UGGT2: variants seen among roughly 807,000 people sequenced by gnomAD.
UGGT2 encodes UDP-glucose:glycoprotein glucosyltransferase 2.
In UGGT2, 180 loss-of-function variants were observed where a neutral mutation model predicts 192.1. The observed-to-expected ratio is 0.94, with a 90% CI of 0.83 to 1.06. The LOEUF (loss-of-function observed/expected upper bound fraction) is 1.06, where lower values mean the gene tolerates loss of function less well. UGGT2 is among the 50% of genes least tolerant of loss of function. The pLI, the probability that UGGT2 is intolerant of heterozygous loss-of-function variation, is 0.00. For synonymous variants in UGGT2, 580 were observed against 591.0 expected (o/e 0.98, Z 0.27); for missense variants, 1,849 against 1,795.7 (o/e 1.03, Z -0.54).
intron 38 of UGGT2, among the ~76,000 whole-genome samples, chr13:95,812,288 C>A (rs1884623159): frequency 6.6e-6 from 1 of 152,052 alleles, no homozygotes; most frequent in South Asian, 2.1e-4. Flanking sequence ...AATGTAAAAA[C>A]AATTCTTAGG....
chr13:96,026,659 C>CTTTTTTTTTTTTTTTT (rs71211702), intron 2 of UGGT2, among the ~76,000 whole-genome samples: 1 of 101,536 alleles, frequency 9.8e-6, no homozygotes, highest in African/African-American at 3.6e-5. Context: ...TTTCACTCTT[C>CTTTTTTTTTTTTTTTT]TTTTTTTTTT....
At chr13:95,960,308 A>G (rs1200186602) in intron 12 of UGGT2, among the ~76,000 whole-genome samples, 1 of 152,230 alleles carries the variant, frequency 6.6e-6, no homozygotes, top group Non-Finnish European at 1.5e-5. Context: ...TCAGTGAGCT[A>G]TAAGAGAATA....
At chr13:95,878,767 T>G (rs1046060133) in intron 27 of UGGT2, among the ~76,000 whole-genome samples, 1 of 152,220 alleles carries the variant, frequency 6.6e-6, no homozygotes, top group Non-Finnish European at 1.5e-5. Context: ...TTTGGATACA[T>G]TCTGTATTGT....
At position 95,999,199 on chromosome 13, in the gene UGGT2, T is replaced by TA. The variant is rs1229588656; in HGVS notation, c.757+11dup. On this transcript the variant is annotated intron_variant, in intron 6 of 38. Coordinates refer to ENST00000376747, the MANE Select transcript of UGGT2 (RefSeq NM_020121.4). ...TTTTCATTCTACTCAAGTACTGAGA[T>TA]AGAGAACTTACTTTTAACTTGGGTA... 1.9e-6 allele frequency: 3 copies of TA among 1,609,086 alleles called. No homozygotes were observed. Among genetic ancestry groups the TA allele is most frequent in the Non-Finnish European group, 2.6e-6 (3 of 1,175,868 alleles).
At chr13:95,853,147 G>C (rs1236492412) in intron 36 of UGGT2, among the ~76,000 whole-genome samples, 2 of 152,138 alleles carry the variant, frequency 1.3e-5, no homozygotes, top group East Asian at 3.9e-4. Context: ...GGACGTGTTT[G>C]CTTCCCCTTC....
At position 96,001,651 on chromosome 13, in the gene UGGT2, C is replaced by T. The variant is rs145459550; in HGVS notation, c.661-2344G>A. 5.9e-5 allele frequency among the ~76,000 whole-genome samples: 9 copies of T among 152,274 alleles called. No homozygotes were observed. In the East Asian group the frequency reaches 1.7e-3, roughly 29 times the overall value. On this transcript the variant is annotated intron_variant, in intron 5 of 38. Coordinates refer to ENST00000376747, the MANE Select transcript of UGGT2 (RefSeq NM_020121.4). Reference sequence around the variant, plus strand: ...GGAGAACATTTAAAAAAGACAAACACAGACAATTAACAACAACAAGGTTCA... The same window carrying T: ...GGAGAACATTTAAAAAAGACAAACATAGACAATTAACAACAACAAGGTTCA...
chr13:96,032,246 T>TA (rs2052860352), intron 1 of UGGT2, among the ~76,000 whole-genome samples: 1 of 151,976 alleles, frequency 6.6e-6, no homozygotes. Context: ...TAGCAACAAC[T>TA]AAAAAATTGA....
chr13:95,938,776 C>T (rs936293788), intron 16 of UGGT2, among the ~76,000 whole-genome samples: 8 of 152,108 alleles, frequency 5.3e-5, no homozygotes, highest in Non-Finnish European at 7.4e-5. Context: ...TCTCATCTCC[C>T]CTCTACCTTA....
At chr13:95,991,712 A>G (rs2051463410) in intron 7 of UGGT2, among the ~76,000 whole-genome samples, 6 of 152,186 alleles carry the variant, frequency 3.9e-5, no homozygotes, top group Admixed American at 3.3e-4. Context: ...TTATCAGATT[A>G]TAAGTTTATA....
intron 12 of UGGT2, among the ~76,000 whole-genome samples, chr13:95,958,702 TTCG>T: frequency 1.3e-5 from 2 of 151,940 alleles, no homozygotes; most frequent in African/African-American, 4.8e-5. Flanking sequence ...ATAATCACAC[TTCG>T]AATAGGTCGT....
intron 38 of UGGT2, chr13:95,832,653 AT>A: frequency 2.0e-6 from 1 of 496,072 alleles, no homozygotes; most frequent in Non-Finnish European, 3.9e-6. Context: ...TTTTACTTTT[AT>A]TTTTCACCTC....
chr13:95,923,289 C>T (rs73558684), intron 20 of UGGT2, among the ~76,000 whole-genome samples: 2,507 of 152,008 alleles, frequency 0.016, 69 homozygotes, highest in African/African-American at 0.058. Flanking sequence ...GAACTCCTGG[C>T]CTCATGCAAA....
intron 11 of UGGT2, 88 bp from the exon 12 acceptor site, chr13:95,970,350 A>C (rs1414717319): frequency 7.9e-7 from 1 of 1,270,892 alleles, no homozygotes. Context: ...AAGCATTAGA[A>C]ATGAGATTTT....
intron 38 of UGGT2, among the ~76,000 whole-genome samples, chr13:95,820,917 C>T (rs9584324): frequency 6.6e-6 from 1 of 151,844 alleles, no homozygotes; most frequent in Non-Finnish European, 1.5e-5. Context: ...CTATAAAATA[C>T]ATTATTTTGT....
At chr13:96,035,787 C>T (rs1173676099) in intron 1 of UGGT2, among the ~76,000 whole-genome samples, 6 of 152,046 alleles carry the variant, frequency 3.9e-5, no homozygotes, top group South Asian at 2.1e-4. Flanking sequence ...AACATTCATG[C>T]GGCCAACAAA....
intron 20 of UGGT2, among the ~76,000 whole-genome samples, chr13:95,907,060 C>T (rs534268347): frequency 5.3e-5 from 8 of 152,218 alleles, no homozygotes; most frequent in Non-Finnish European, 1.2e-4. Flanking sequence ...TGCCCAAATA[C>T]TGTGATTTTC....
At chr13:95,857,803 A>G (rs1432502558) in intron 33 of UGGT2, among the ~76,000 whole-genome samples, 1 of 152,172 alleles carries the variant, frequency 6.6e-6, no homozygotes, top group African/African-American at 2.4e-5. Flanking sequence ...GTGGAACAAG[A>G]CTTTCTAATC....
chr13:95,863,740 G>T (rs1252397465), intron 30 of UGGT2, 26 bp from the exon 31 acceptor site: 4 of 1,566,552 alleles, frequency 2.6e-6, no homozygotes, highest in East Asian at 4.5e-5. Flanking sequence ...AAAAAGATTA[G>T]AATTTGGCTG....
intron 12 of UGGT2, among the ~76,000 whole-genome samples, chr13:95,956,764 T>A (rs998920802): frequency 6.6e-6 from 1 of 152,224 alleles, no homozygotes; most frequent in East Asian, 1.9e-4. Context: ...AAAAACAGTT[T>A]GGCAGTTTGT....
Sources: gnomAD v4.1 joint callset for allele counts (sites outside exome capture counted in the v4.1 genomes callset) on GRCh38, gnomAD v4.1.1 for gene constraint, MANE v1.5 for transcripts, NCBI Gene and HGNC (gene_info 2026-07-23, HGNC 2026-07-21) for gene names.